FEZ2: variants seen among roughly 807,000 people sequenced by gnomAD.
The protein encoded by FEZ2 is fasciculation and elongation protein zeta-2.
FEZ2 carries 51 observed loss-of-function variants against 40.4 expected under a neutral mutation model. The observed-to-expected ratio is 1.26, with a 90% CI of 1.01 to 1.59. The LOEUF (loss-of-function observed/expected upper bound fraction) is 1.59. Among genes scored for constraint, FEZ2 ranks in the 40% most tolerant of loss-of-function variants. FEZ2 has a pLI of 0.00. For missense variants in FEZ2, 640 were observed against 438.3 expected (o/e 1.46, Z -4.11); for synonymous variants, 242 against 172.0 (o/e 1.41, Z -3.18).
At chr2:36,579,843 G>A (rs1668681233) in intron 4 of FEZ2, among the ~76,000 whole-genome samples, 4 of 152,174 alleles carry the variant, frequency 2.6e-5, no homozygotes, top group South Asian at 2.1e-4. Context: ...GTGACAGATA[G>A]GACACTGTTA....
intron 2 of FEZ2, among the ~76,000 whole-genome samples, chr2:36,588,702 A>T (rs1333403694): frequency 6.6e-6 from 1 of 152,140 alleles, no homozygotes; most frequent in Non-Finnish European, 1.5e-5. Context: ...TATTTATATT[A>T]TAAAGTTATA....
Position 36,553,041 on chromosome 2 carries a change from T to C in FEZ2, c.*122A>G, listed in dbSNP as rs1354928878. Reference sequence around the variant, plus strand: ...TAGTGTAGTCAAGATCTGTTAATACTGAATCAAACCCAAGTTCAAATGTGC... The same window carrying C: ...TAGTGTAGTCAAGATCTGTTAATACCGAATCAAACCCAAGTTCAAATGTGC... On this transcript the variant is annotated 3_prime_UTR_variant, in exon 8 of 8. Transcript: ENST00000405912. The C allele has an allele frequency of 9.1e-6, 7 of 771,460 alleles. No individual in the cohort carries two copies. Among genetic ancestry groups the C allele is most frequent in the Non-Finnish European group, 1.5e-5 (7 of 455,176 alleles). 47.8% of individuals were successfully genotyped at this position (771,460 alleles called of 1,614,324 possible). A position where few individuals can be genotyped will look rare whatever the true frequency, so the allele number is the denominator to read the frequency against.
chr2:36,560,026 T>C (rs971142204), intron 5 of FEZ2, among the ~76,000 whole-genome samples: 5 of 152,224 alleles, frequency 3.3e-5, no homozygotes, highest in African/African-American at 1.2e-4. Flanking sequence ...CTACATTTTG[T>C]ACACCTTCTT....
At chr2:36,593,143 G>GA (rs1455524203) in intron 1 of FEZ2, among the ~76,000 whole-genome samples, 1 of 152,220 alleles carries the variant, frequency 6.6e-6, no homozygotes, top group East Asian at 1.9e-4. Context: ...AGACTGGGAC[G>GA]AAAAAGAGGT....
chr2:36,571,932 T>C (rs1403123202), intron 5 of FEZ2, among the ~76,000 whole-genome samples: 1 of 144,418 alleles, frequency 6.9e-6, no homozygotes, highest in East Asian at 2.0e-4. Flanking sequence ...GGAGAATCGC[T>C]GGAACCGGGG....
intron 5 of FEZ2, among the ~76,000 whole-genome samples, chr2:36,559,686 C>T (rs1161829185): frequency 6.6e-6 from 1 of 152,260 alleles, no homozygotes; most frequent in Non-Finnish European, 1.5e-5. Flanking sequence ...CCTGGCTTCA[C>T]TCTGCATGTG....
In FEZ2 at chr2:36,578,651, T is replaced by C. The variant is rs768259536; in HGVS notation, c.849A>G (p.Leu283=). 1.4e-4 allele frequency: 227 copies of C among 1,613,560 alleles called. 1 individual carries two copies. The highest frequency in any genetic ancestry group is 4.9e-4 in the Middle Eastern group (3 of 6,084). ...TCCCATTCTGAGAGCTGCCATTTTT[T>C]AGTTTCTTTTTCTTTTTTGCTGTTT... is the stretch of plus-strand genomic sequence containing the variant. ...HKETAKKKKK[L]KNGSSQNGKN... Residue 283 remains leucine (L), a synonymous_variant, in exon 5 of 8, where the codon CTA becomes CTG. Coordinates refer to ENST00000405912, the MANE Select transcript of FEZ2 (RefSeq NM_005102.3).
chr2:36,577,660 T>C (rs1000384792), intron 5 of FEZ2, among the ~76,000 whole-genome samples: 3 of 152,242 alleles, frequency 2.0e-5, no homozygotes, highest in Admixed American at 6.5e-5. Flanking sequence ...AAGACTCTTT[T>C]TGTGTTAACT....
chr2:36,581,318 C>G lies in FEZ2; in HGVS notation c.606G>C (p.Lys202Asn). 1 of 1,613,882 alleles carries G rather than the reference C, an allele frequency of 6.2e-7. No homozygotes were observed. Residue 202 changes from lysine to asparagine, a missense_variant, in exon 4 of 8, where the codon AAG becomes AAC. By Grantham distance (94) the Lys-to-Asn change is moderately conservative (BLOSUM62 0). Coordinates refer to ENST00000405912, the MANE Select transcript of FEZ2 (RefSeq NM_005102.3). ...SMLSQEIQTL[K>N]RSSTGSYEER... is the part of the protein sequence containing the mutation. Reference sequence around the variant, plus strand: ...CTTCATAACTGCCGGTACTAGACCTCTTGAGAGTTTGAATTTCCTGGGAAA... The same window carrying G: ...CTTCATAACTGCCGGTACTAGACCTGTTGAGAGTTTGAATTTCCTGGGAAA...
At chr2:36,578,133 C>A (rs1187539797) in intron 5 of FEZ2, among the ~76,000 whole-genome samples, 1 of 152,194 alleles carries the variant, frequency 6.6e-6, no homozygotes, top group East Asian at 1.9e-4. Flanking sequence ...CAGGAGGAAC[C>A]TGTTTACAAA....
intron 1 of FEZ2, chr2:36,591,554 T>C (rs971250480): frequency 6.5e-6 from 1 of 152,740 alleles, no homozygotes; most frequent in Non-Finnish European, 1.5e-5. Flanking sequence ...GAGAAAGAAT[T>C]CGCTCTCAAT....
At chr2:36,583,282 T>A (rs550948632) in intron 3 of FEZ2, 71 bp downstream of exon 3, 2 of 776,192 alleles carry the variant, frequency 2.6e-6, no homozygotes, top group African/African-American at 1.7e-5. Flanking sequence ...CATCATTTAC[T>A]GTCATAACAA....
chr2:36,564,040 G>A (rs1376647589), intron 5 of FEZ2, among the ~76,000 whole-genome samples: 1 of 152,102 alleles, frequency 6.6e-6, no homozygotes, highest in Non-Finnish European at 1.5e-5. Context: ...CCCCCTCTGG[G>A]TATTACCAAT....
intron 5 of FEZ2, among the ~76,000 whole-genome samples, chr2:36,577,649 T>A (rs1668613503): frequency 6.6e-6 from 1 of 152,222 alleles, no homozygotes; most frequent in African/African-American, 2.4e-5. Context: ...AGCTATATGG[T>A]AAGACTCTTT....
Position 36,592,948 on chromosome 2 carries a change from G to A in FEZ2, c.267-1937C>T, listed in dbSNP as rs914374259. Among the ~76,000 whole-genome samples the A allele has an allele frequency of 2.0e-5, 3 of 152,182 alleles. No individual in the cohort carries two copies. The South Asian group carries it at 6.2e-4, about 31-fold the overall frequency. On this transcript the variant is annotated intron_variant, in intron 1 of 7. Coordinates refer to ENST00000405912, the MANE Select transcript of FEZ2 (RefSeq NM_005102.3). The stretch of plus-strand genomic sequence containing the variant: ...GTCCATTCCTATTCTCCTCTCTGTT[G>A]GAATATCTCCTCTAATGCCAGTGAA...
chr2:36,576,139 T>C (rs984693770), intron 5 of FEZ2, among the ~76,000 whole-genome samples: 1 of 152,188 alleles, frequency 6.6e-6, no homozygotes, highest in Non-Finnish European at 1.5e-5. Flanking sequence ...TTTGGCAAGC[T>C]CCTGGAATCT....
chr2:36,578,602 C>T lies in FEZ2; in HGVS notation c.898G>A (p.Gly300Ser), dbSNP rs201950128. 2.2e-4 allele frequency: 348 copies of T among 1,611,250 alleles called. 1 individual carries two copies. The East Asian group carries it at 3.7e-3, about 17-fold the overall frequency. ...TCCTGCAAAACATCACTTACTGTGC[C>T]GGGCATATGACTTCTCTCATTCTTC... Reference protein sequence around the residue: ...NGKNERSHMPGTYLTTVIPYE... With the variant: ...NGKNERSHMPSTYLTTVIPYE... Residue 300 changes from glycine (G) to serine (S), a missense_variant, in exon 5 of 8, where the codon GGC (glycine) becomes AGC (serine). Physicochemically the swap from Gly to Ser is moderately conservative, Grantham distance 56 (BLOSUM62 0). Coordinates refer to ENST00000405912, the MANE Select transcript of FEZ2 (RefSeq NM_005102.3).
intron 5 of FEZ2, among the ~76,000 whole-genome samples, chr2:36,560,259 T>C (rs1668057925): frequency 6.6e-6 from 1 of 152,220 alleles, no homozygotes; most frequent in Admixed American, 6.5e-5. Context: ...GCATGCCTCG[T>C]TTGGCAGACA....
intron 2 of FEZ2, among the ~76,000 whole-genome samples, chr2:36,587,177 G>C (rs1279134945): frequency 6.6e-6 from 1 of 152,168 alleles, no homozygotes; most frequent in Non-Finnish European, 1.5e-5. Context: ...CAAAACACAT[G>C]AGTAATAACA....
Sources: allele counts gnomAD v4.1 joint callset (sites outside exome capture counted in the v4.1 genomes callset), GRCh38; gene constraint gnomAD v4.1.1; transcripts MANE v1.5; gene names NCBI Gene and HGNC (gene_info 2026-07-23, HGNC 2026-07-21).